The following TEX10 variants were observed in gnomAD, a reference collection of about 807,000 sequenced individuals.
TEX10 encodes the protein testis-expressed protein 10.
Under a neutral mutation model 104.4 loss-of-function variants are expected in TEX10, and 24 were observed. The ratio of observed to expected loss-of-function variants is 0.23; its 90% confidence interval spans 0.17 to 0.32. The LOEUF (loss-of-function observed/expected upper bound fraction) is 0.32. TEX10 is among the 10% of genes least tolerant of loss of function. The pLI, the probability that TEX10 is intolerant of heterozygous loss-of-function variation, is 1.00. For synonymous variants in TEX10, 396 were observed against 393.4 expected (o/e 1.01, Z -0.08); for missense variants, 921 against 1,083.9 (o/e 0.85, Z 2.11).
At chr9:100,345,991 A>T in intron 4 of TEX10, 81 bp downstream of exon 4, 1 of 1,451,134 alleles carries the variant, frequency 6.9e-7, no homozygotes. Flanking sequence ...ACCAATTAGT[A>T]GTAATGAGCT....
At chr9:100,316,133 GAT>G (rs1299543449) in intron 11 of TEX10, among the ~76,000 whole-genome samples, 1 of 152,060 alleles carries the variant, frequency 6.6e-6, no homozygotes, top group Non-Finnish European at 1.5e-5. Context: ...TCCTCCACAA[GAT>G]ACTTGCAAAT....
chr9:100,303,613 C>CCTA lies in TEX10; in HGVS notation c.2676+18_2676+19insTAG. ...TTCTTATGCTAATACTGCAAAGCCT[C>CCTA]CGGTACCATGCTTCTTACCGTGATA... On this transcript the variant is annotated intron_variant, in intron 14 of 14. Coordinates refer to ENST00000374902, the MANE Select transcript of TEX10 (RefSeq NM_017746.4). 1 of 1,613,344 alleles carries CCTA rather than the reference C, an allele frequency of 6.2e-7. No individual in the cohort carries two copies. Among genetic ancestry groups the CCTA allele is most frequent in the South Asian group, 1.1e-5 (1 of 91,038 alleles).
At chr9:100,341,062 A>G (rs1835158582) in intron 4 of TEX10, among the ~76,000 whole-genome samples, 1 of 151,930 alleles carries the variant, frequency 6.6e-6, no homozygotes. Flanking sequence ...TGCCTCCCAG[A>G]TTGAAGCGAT....
At chr9:100,316,129 A>C (rs147818188) in intron 11 of TEX10, among the ~76,000 whole-genome samples, 80 of 152,324 alleles carry the variant, frequency 5.3e-4, no homozygotes, top group African/African-American at 1.9e-3. Flanking sequence ...AAATTCCTCC[A>C]CAAGATACTT....
chr9:100,303,886 C>T (rs1211063970), intron 13 of TEX10, 44 bp from the exon 14 acceptor site: 1 of 1,582,592 alleles, frequency 6.3e-7, no homozygotes, highest in Admixed American at 1.7e-5. Context: ...CAAATGCCCA[C>T]AGGAAAAGCC....
At chr9:100,320,465 A>T in intron 10 of TEX10, 67 bp from the exon 11 acceptor site, 1 of 1,500,354 alleles carries the variant, frequency 6.7e-7, no homozygotes, top group South Asian at 1.4e-5. Flanking sequence ...CTTTCTTAAA[A>T]AACAGAGATG....
chr9:100,331,506 G>C (rs950517902), intron 5 of TEX10, among the ~76,000 whole-genome samples: 7 of 152,182 alleles, frequency 4.6e-5, no homozygotes, highest in African/African-American at 1.7e-4. Flanking sequence ...AATTTTAAAG[G>C]AAAAGATTAA....
intron 5 of TEX10, among the ~76,000 whole-genome samples, chr9:100,336,641 T>C (rs976623739): frequency 1.3e-5 from 2 of 152,164 alleles, no homozygotes; most frequent in African/African-American, 2.4e-5. Flanking sequence ...TACAATGTAA[T>C]AATAGAAATA....
chr9:100,346,542 A>G, intron 3 of TEX10, 152 bp downstream of exon 3: 1 of 968,652 alleles, frequency 1.0e-6, no homozygotes, highest in Non-Finnish European at 1.5e-6. Flanking sequence ...CATACAAATA[A>G]CTCTTCCCAT....
intron 14 of TEX10, among the ~76,000 whole-genome samples, chr9:100,302,928 G>GCC (rs34327969): frequency 0.011 from 1,532 of 134,034 alleles, 18 homozygotes; most frequent in East Asian, 0.027. Flanking sequence ...TTTTTTAACC[G>GCC]CCCCCCCCCC....
intron 1 of TEX10, among the ~76,000 whole-genome samples, chr9:100,351,088 C>G (rs188777794): frequency 6.6e-6 from 1 of 152,186 alleles, no homozygotes; most frequent in Admixed American, 6.5e-5. Flanking sequence ...GTACTAGATG[C>G]ATTGTGTACC....
chr9:100,346,654 T>C (rs781103397), intron 3 of TEX10, 40 bp downstream of exon 3: 1 of 1,551,196 alleles, frequency 6.4e-7, no homozygotes, highest in African/African-American at 1.4e-5. Flanking sequence ...TATAATTCAA[T>C]ACAGCAAAAC....
chr9:100,325,087 T>A (rs143085557), intron 9 of TEX10, among the ~76,000 whole-genome samples: 44 of 152,322 alleles, frequency 2.9e-4, no homozygotes, highest in Admixed American at 8.5e-4. Context: ...AAGTTTATTG[T>A]CAGTTATGAA....
In TEX10 at chr9:100,321,709, A is replaced by T; in HGVS notation, c.2042T>A (p.Phe681Tyr). 1 of 1,612,578 alleles carries T rather than the reference A, an allele frequency of 6.2e-7. No individual in the cohort carries two copies. The highest frequency in any genetic ancestry group is 8.5e-7 in the Non-Finnish European group (1 of 1,179,664). The stretch of plus-strand genomic sequence containing the variant: ...TGTAAGTGTGGAAAATAAGAAGCTG[A>T]AATAGTCTACATCACTCATCAACCA... ...KDWLMSDVDY[F>Y]SFLFSTLTGF... is the part of the protein sequence containing the mutation. Residue 681 changes from phenylalanine (F) to tyrosine (Y), a missense_variant, in exon 10 of 15, where the codon TTC (phenylalanine) becomes TAC (tyrosine). Coordinates refer to ENST00000374902, the MANE Select transcript of TEX10 (RefSeq NM_017746.4).
intron 7 of TEX10, among the ~76,000 whole-genome samples, chr9:100,328,873 G>C (rs911218419): frequency 2.6e-5 from 4 of 152,208 alleles, no homozygotes; most frequent in Non-Finnish European, 4.4e-5. Flanking sequence ...AAGGGCTGAG[G>C]TTGTTCCAAC....
At chr9:100,313,555 A>C (rs555716230) in intron 11 of TEX10, among the ~76,000 whole-genome samples, 5 of 151,270 alleles carry the variant, frequency 3.3e-5, no homozygotes, top group Admixed American at 2.6e-4. Context: ...AAATTTAAGA[A>C]ATAAAGAATA....
At chr9:100,330,216 C>G in intron 5 of TEX10, 47 bp from the exon 6 acceptor site, 1 of 1,315,462 alleles carries the variant, frequency 7.6e-7, no homozygotes, top group Non-Finnish European at 1.1e-6. Context: ...GTCTACCATG[C>G]CTGCTTCATT....
intron 2 of TEX10, among the ~76,000 whole-genome samples, chr9:100,348,765 G>C (rs966125723): frequency 6.6e-6 from 1 of 152,054 alleles, no homozygotes; most frequent in Non-Finnish European, 1.5e-5. Flanking sequence ...AAATAAATTA[G>C]CCAGGCATGG....
rs1834711422 is a variant in TEX10, at chr9:100,326,618, C to T, written c.1802-139G>A. 3 of 791,176 alleles carry T rather than the reference C, an allele frequency of 3.8e-6. No individual in the cohort carries two copies. The South Asian group carries it at 7.3e-5, about 19-fold the overall frequency. 49.0% of individuals were successfully genotyped at this position (791,176 alleles called of 1,614,324 possible). ...TTTATGAATATCAATTACATAAAAG[C>T]ATAATTATATTAATATCATAAAACA... On this transcript the variant is annotated intron_variant, in intron 8 of 14. Coordinates refer to ENST00000374902, the MANE Select transcript of TEX10 (RefSeq NM_017746.4).
Sources: allele counts gnomAD v4.1 joint callset (sites outside exome capture counted in the v4.1 genomes callset), GRCh38; gene constraint gnomAD v4.1.1; transcripts MANE v1.5; gene names NCBI Gene and HGNC (gene_info 2026-07-23, HGNC 2026-07-21).